Variants in PCDHGA7 observed in about 807,000 individuals in gnomAD.
PCDHGA7 encodes protocadherin gamma-A7.
PCDHGA7 carries 44 observed loss-of-function variants against 58.3 expected under a neutral mutation model. The observed-to-expected ratio is 0.75, with a 90% CI of 0.59 to 0.97. The LOEUF is 0.97. PCDHGA7 is among the 50% of genes least tolerant of loss of function. The probability of loss-of-function intolerance (pLI) is 0.00; values close to 1 mark genes in which losing one functional copy is unlikely to be tolerated. For missense variants in PCDHGA7, 1,266 were observed against 1,188.7 expected, an observed-to-expected ratio of 1.06 and a Z score of -0.96; for synonymous variants, 516 against 504.2, an observed-to-expected ratio of 1.02 and a Z score of -0.31.
chr5:141,493,140 C>T lies in PCDHGA7; in HGVS notation c.2425-1667C>T, dbSNP rs2099746336. Among the ~76,000 whole-genome samples, 1 of 146,374 alleles carries T rather than the reference C, an allele frequency of 6.8e-6. No homozygotes were observed. Among genetic ancestry groups the T allele is most frequent in the African/African-American group, 2.5e-5 (1 of 40,746 alleles). ...GCTCCTAGGACTGTATTTTGAAACACCCCCAGGTGATTTTGATAGCTGATT... is the reference window on the plus strand; with the variant it reads ...GCTCCTAGGACTGTATTTTGAAACATCCCCAGGTGATTTTGATAGCTGATT... On this transcript the variant is annotated intron_variant, in intron 1 of 3. Transcript: ENST00000518325. This position sits in a 1 kb window ranked among gnomAD's most constrained non-coding sequence, Gnocchi z 4.3.
At chr5:141,497,855 C>T (rs1447484949) in intron 2 of PCDHGA7, among the ~76,000 whole-genome samples, 1 of 152,122 alleles carries the variant, frequency 6.6e-6, no homozygotes, top group Non-Finnish European at 1.5e-5. Flanking sequence ...ATTTTTGATT[C>T]AGCGGCTCCA....
chr5:141,477,719 T>C lies in PCDHGA7; in HGVS notation c.2425-17088T>C. 6.2e-7 allele frequency: 1 copy of C among 1,613,876 alleles called. No individual in the cohort carries two copies. Among genetic ancestry groups the C allele is most frequent in the Non-Finnish European group, 8.5e-7 (1 of 1,180,028 alleles). ...CTATGAGGATCGGCGGGAATTTGAA[T>C]TAACAGCTCATATCAGCGATGGGGG... On this transcript the variant is annotated intron_variant, in intron 1 of 3. Transcript: ENST00000518325. The surrounding 1 kb of genome is among the most constrained non-coding windows in gnomAD (Gnocchi z 4.9).
chr5:141,492,471 C>T (rs937691695), intron 1 of PCDHGA7, among the ~76,000 whole-genome samples: 8 of 152,240 alleles, frequency 5.3e-5, no homozygotes, highest in Non-Finnish European at 1.0e-4. Flanking sequence ...GGTCCCAGAT[C>T]GCGGCCGCCC....
chr5:141,413,054 A>G (rs2095600698), intron 1 of PCDHGA7: 1 of 981,614 alleles, frequency 1.0e-6, no homozygotes, highest in African/African-American at 1.6e-5. Flanking sequence ...AGGGAAGCTC[A>G]CTCCAGAATT....
chr5:141,426,094 G>C (rs2096914562), intron 1 of PCDHGA7, among the ~76,000 whole-genome samples: 1 of 152,350 alleles, frequency 6.6e-6, no homozygotes, highest in African/African-American at 2.4e-5. Flanking sequence ...ACGATATTCT[G>C]TTCAGTCACA....
rs771341809 is a variant in PCDHGA7 at position 141,404,607 on chromosome 5, T to C, written c.2424+19284T>C. 5 of 1,613,938 alleles carry C rather than the reference T, an allele frequency of 3.1e-6. No homozygotes were observed. The African/African-American group carries it at 6.7e-5, about 22-fold the overall frequency. ...AGCAATGTGTCATTGAGACTGTTTG[T>C]TTTGGACCAGAATGACAATGCCCCA... On this transcript the variant is annotated intron_variant, in intron 1 of 3. Coordinates refer to ENST00000518325, the MANE Select transcript of PCDHGA7 (RefSeq NM_018920.4).
At chr5:141,472,617 A>G (rs1024856184) in intron 1 of PCDHGA7, among the ~76,000 whole-genome samples, 3 of 152,138 alleles carry the variant, frequency 2.0e-5, no homozygotes, top group African/African-American at 7.2e-5. Flanking sequence ...CAAAGAAGAA[A>G]AAAGATAAAG....
At chr5:141,393,800 GA>G (rs1403705962) in intron 1 of PCDHGA7, 2 of 1,613,842 alleles carry the variant, frequency 1.2e-6, no homozygotes, top group Non-Finnish European at 1.7e-6. Flanking sequence ...CACTTCTGGG[GA>G]GGACCAAATT....
chr5:141,441,631 C>A, intron 1 of PCDHGA7: 2 of 226,308 alleles, frequency 8.8e-6, no homozygotes, highest in Non-Finnish European at 1.8e-5. Context: ...GACCTGGAGC[C>A]ACAGGCGCTG....
intron 1 of PCDHGA7, among the ~76,000 whole-genome samples, chr5:141,459,880 C>G (rs1240703946): frequency 6.6e-6 from 1 of 152,134 alleles, no homozygotes; most frequent in Non-Finnish European, 1.5e-5. Context: ...TTTAACTGAG[C>G]TGAACGCCTT....
rs1458508114 is a variant in PCDHGA7, at chr5:141,489,523, C to T, written c.2425-5284C>T. ...GAATCAAAAGATTGACCGAGAAAGC[C>T]TATGTGGAGCCAGCACCAGCTGCCT... On this transcript the variant is annotated intron_variant, in intron 1 of 3. Transcript: ENST00000518325. This position sits in a 1 kb window ranked among gnomAD's most constrained non-coding sequence, Gnocchi z 4.5. The T allele has an allele frequency of 3.5e-5, 56 of 1,614,006 alleles. No homozygotes were observed. The highest frequency in any genetic ancestry group is 4.5e-5 in the Non-Finnish European group (53 of 1,180,044).
intron 1 of PCDHGA7, among the ~76,000 whole-genome samples, chr5:141,444,735 C>G (rs924159168): frequency 6.6e-6 from 1 of 152,116 alleles, no homozygotes; most frequent in Admixed American, 6.5e-5. Flanking sequence ...TGTTGAAAGT[C>G]ATTTCACTGA....
chr5:141,400,452 A>C, intron 1 of PCDHGA7: 3 of 1,614,038 alleles, frequency 1.9e-6, no homozygotes, highest in Non-Finnish European at 2.5e-6. Context: ...GACAAGACAT[A>C]CTTTGTGGTG....
chr5:141,429,960 A>C (rs981722031), intron 1 of PCDHGA7, among the ~76,000 whole-genome samples: 2 of 152,244 alleles, frequency 1.3e-5, no homozygotes, highest in African/African-American at 4.8e-5. Flanking sequence ...AGTCAATGCA[A>C]GTTGGAATGC....
intron 1 of PCDHGA7, chr5:141,402,918 A>G: frequency 6.4e-7 from 1 of 1,570,054 alleles, no homozygotes; most frequent in Non-Finnish European, 8.6e-7. Context: ...GCGCGCACAG[A>G]GATCCTTTTG....
At position 141,489,985 on chromosome 5, in the gene PCDHGA7, G is replaced by A. The variant is rs761481986; in HGVS notation, c.2425-4822G>A. ...AACCTTCCAATCCTCAGTTCTACGT[G>A]TGGGAATCCCAGAGAATGCACCCAT... On this transcript the variant is annotated intron_variant, in intron 1 of 3. Transcript: ENST00000518325. The surrounding 1 kb of genome is among the most constrained non-coding windows in gnomAD (Gnocchi z 4.5). The A allele has an allele frequency of 1.2e-6, 2 of 1,614,094 alleles. No homozygotes were observed. Among genetic ancestry groups the A allele is most frequent in the African/African-American group, 2.7e-5 (2 of 74,946 alleles).
At chr5:141,446,102 A>C (rs751362645) in intron 1 of PCDHGA7, among the ~76,000 whole-genome samples, 1 of 152,214 alleles carries the variant, frequency 6.6e-6, no homozygotes, top group Non-Finnish European at 1.5e-5. Context: ...TGAATTATAG[A>C]TATATTTAGG....
chr5:141,500,184 T>TTTTATTTA (rs58019021), intron 2 of PCDHGA7, among the ~76,000 whole-genome samples: 1,392 of 135,954 alleles, frequency 0.01, 12 homozygotes, highest in South Asian at 0.02. Flanking sequence ...TCATTTTTAT[T>TTTTATTTA]TTTATTTATT....
intron 1 of PCDHGA7, chr5:141,422,139 A>C: frequency 1.9e-6 from 3 of 1,588,154 alleles, no homozygotes; most frequent in Non-Finnish European, 2.6e-6. Context: ...AAGTTCAAGT[A>C]CGGGGGTCTC....
Sources: gnomAD v4.1 joint callset for allele counts (sites outside exome capture counted in the v4.1 genomes callset) on GRCh38, gnomAD v4.1.1 for gene constraint, Gnocchi (gnomAD v3.1) non-coding constraint, MANE v1.5 for transcripts, NCBI Gene and HGNC (gene_info 2026-07-23, HGNC 2026-07-21) for gene names.